SDK1: variants seen among roughly 807,000 people sequenced by gnomAD.
SDK1 encodes protein sidekick-1.
SDK1 carries 157 observed loss-of-function variants against 245.5 expected under a neutral mutation model. The observed-to-expected ratio is 0.64, with a 90% CI of 0.56 to 0.73. The LOEUF is 0.73. Among genes scored for constraint, SDK1 ranks in the 30% least tolerant of loss-of-function variants. The probability of loss-of-function intolerance (pLI) is 0.00; values close to 1 mark genes in which losing one functional copy is unlikely to be tolerated. For missense variants in SDK1, 3,583 were observed against 3,002.3 expected (o/e 1.19, Z -4.52); for synonymous variants, 1,647 against 1,278.5 (o/e 1.29, Z -6.15).
chr7:3,961,191 C>A (rs1331025053), intron 8 of SDK1, among the ~76,000 whole-genome samples: 1 of 152,196 alleles, frequency 6.6e-6, no homozygotes, highest in Non-Finnish European at 1.5e-5. Flanking sequence ...GAAACTATAG[C>A]AGCATGCGAA....
chr7:3,586,173 A>G (rs979694606), intron 1 of SDK1, among the ~76,000 whole-genome samples: 6 of 151,828 alleles, frequency 4.0e-5, no homozygotes, highest in Admixed American at 1.3e-4. Flanking sequence ...GAAGTGTGCC[A>G]CACCCAGAGG....
chr7:3,990,961 A>G (rs557513249), intron 14 of SDK1, among the ~76,000 whole-genome samples: 1 of 152,332 alleles, frequency 6.6e-6, no homozygotes, highest in East Asian at 1.9e-4. Context: ...TACCTGTTAC[A>G]GCGGTGAAGC....
At chr7:3,522,026 C>T (rs1216057518) in intron 1 of SDK1, among the ~76,000 whole-genome samples, 1 of 152,052 alleles carries the variant, frequency 6.6e-6, no homozygotes, top group Non-Finnish European at 1.5e-5. Flanking sequence ...AATCAGGCAT[C>T]TTCTTATTTA....
At chr7:4,217,820 G>T (rs926704181) in intron 38 of SDK1, among the ~76,000 whole-genome samples, 1 of 152,212 alleles carries the variant, frequency 6.6e-6, no homozygotes, top group Admixed American at 6.5e-5. Flanking sequence ...TGACACACCT[G>T]AAATGGGGAG....
chr7:4,040,243 T>G (rs1562712571), intron 17 of SDK1, among the ~76,000 whole-genome samples: 2 of 152,162 alleles, frequency 1.3e-5, no homozygotes, highest in Admixed American at 6.5e-5. Context: ...AGCTTTGCCA[T>G]GTCCATTTCT....
In SDK1 at chr7:3,947,079, T is replaced by C. The variant is rs568262715; in HGVS notation, c.848-3844T>C. 5.3e-5 allele frequency among the ~76,000 whole-genome samples: 8 copies of C among 152,328 alleles called. No homozygotes were observed. In the East Asian group the frequency reaches 1.5e-3, roughly 29 times the overall value. On this transcript the variant is annotated intron_variant, in intron 5 of 44. Coordinates refer to ENST00000404826, the MANE Select transcript of SDK1 (RefSeq NM_152744.4). ...CCTCATGCCTCTTCACACATCCTTC[T>C]CAAAATATAGTCCAAACAGTATGTG...
intron 17 of SDK1, among the ~76,000 whole-genome samples, chr7:4,034,983 A>C (rs1355820576): frequency 6.6e-6 from 1 of 152,148 alleles, no homozygotes; most frequent in Non-Finnish European, 1.5e-5. Flanking sequence ...ATAGCACTAA[A>C]TTAATTTTTT....
chr7:3,559,603 C>T (rs1426119287), intron 1 of SDK1, among the ~76,000 whole-genome samples: 2 of 152,074 alleles, frequency 1.3e-5, no homozygotes, highest in Non-Finnish European at 2.9e-5. Context: ...CTTGCAAGAG[C>T]TTTCACTTTA....
At chr7:3,548,205 C>G (rs1377180097) in intron 1 of SDK1, among the ~76,000 whole-genome samples, 1 of 152,090 alleles carries the variant, frequency 6.6e-6, no homozygotes, top group East Asian at 1.9e-4. Context: ...TGTAATAGAC[C>G]TGGCAAAACT....
At chr7:3,347,487 G>A (rs943299102) in intron 1 of SDK1, among the ~76,000 whole-genome samples, 3 of 152,078 alleles carry the variant, frequency 2.0e-5, no homozygotes, top group Non-Finnish European at 1.5e-5. Flanking sequence ...TACAGTCAAG[G>A]CTCCAGAACC....
intron 5 of SDK1, among the ~76,000 whole-genome samples, chr7:3,912,084 A>G (rs546382642): frequency 6.6e-6 from 1 of 152,304 alleles, no homozygotes; most frequent in South Asian, 2.1e-4. Context: ...AAGTCTGGGA[A>G]ACAAACCAAA....
intron 26 of SDK1, among the ~76,000 whole-genome samples, chr7:4,129,485 T>G (rs1784644156): frequency 6.6e-6 from 1 of 152,152 alleles, no homozygotes; most frequent in African/African-American, 2.4e-5. Context: ...CCGGTCTGTG[T>G]GAGGACAGCA....
intron 4 of SDK1, among the ~76,000 whole-genome samples, chr7:3,692,283 T>C (rs1784458397): frequency 6.6e-6 from 1 of 152,088 alleles, no homozygotes; most frequent in Non-Finnish European, 1.5e-5. Flanking sequence ...ACCTAAGATA[T>C]CCCACCAGCC....
At chr7:4,202,301 C>T (rs1227345203) in intron 35 of SDK1, among the ~76,000 whole-genome samples, 3 of 152,240 alleles carry the variant, frequency 2.0e-5, no homozygotes, top group African/African-American at 7.2e-5. Context: ...GGATAACAAA[C>T]AACCTCCAAG....
intron 1 of SDK1, among the ~76,000 whole-genome samples, chr7:3,483,799 A>G (rs908693211): frequency 7.2e-5 from 11 of 152,178 alleles, no homozygotes; most frequent in African/African-American, 1.9e-4. Context: ...CCTTTAATAC[A>G]TGACTATAGT....
At chr7:3,821,319 A>G in intron 4 of SDK1, 131 bp from the exon 5 acceptor site, 1 of 1,015,520 alleles carries the variant, frequency 9.8e-7, no homozygotes, top group African/African-American at 1.6e-5. Flanking sequence ...CGGCCTGTGT[A>G]TTGTTTTTGT....
intron 1 of SDK1, among the ~76,000 whole-genome samples, chr7:3,426,361 G>A (rs1308964404): frequency 6.6e-6 from 1 of 152,206 alleles, no homozygotes; most frequent in African/African-American, 2.4e-5. Context: ...GTGAGAGTGG[G>A]TTCAGGTTGT....
chr7:3,732,650 AGT>A (rs1779213753), intron 4 of SDK1, among the ~76,000 whole-genome samples: 1 of 152,236 alleles, frequency 6.6e-6, no homozygotes, highest in Non-Finnish European at 1.5e-5. Context: ...TAATCCTCGC[AGT>A]GTGTCTCCTT....
At chr7:3,467,749 A>AT (rs935755195) in intron 1 of SDK1, among the ~76,000 whole-genome samples, 1 of 152,084 alleles carries the variant, frequency 6.6e-6, no homozygotes, top group African/African-American at 2.4e-5. Flanking sequence ...GGTAAACTTA[A>AT]TTTTTTTAGT....
Sources: allele counts gnomAD v4.1 joint callset (sites outside exome capture counted in the v4.1 genomes callset), GRCh38; gene constraint gnomAD v4.1.1; transcripts MANE v1.5; gene names NCBI Gene and HGNC (gene_info 2026-07-23, HGNC 2026-07-21).